The following FSD1L variants were observed in gnomAD, a reference collection of about 807,000 sequenced individuals.
FSD1L encodes fibronectin type III and SPRY domain containing 1 like, also known as FSD1-like protein.
Under a neutral mutation model 71.6 loss-of-function variants are expected in FSD1L, and 45 were observed. The ratio of observed to expected loss-of-function variants is 0.63; its 90% confidence interval spans 0.49 to 0.81. The LOEUF (loss-of-function observed/expected upper bound fraction) is 0.81. FSD1L is among the 30% of genes least tolerant of loss of function. FSD1L has a pLI of 0.00. For missense variants in FSD1L, 561 were observed against 618.1 expected (o/e 0.91, Z 0.98); for synonymous variants, 197 against 207.2 (o/e 0.95, Z 0.42).
Position 105,547,360 on chromosome 9 carries a change from T to C in FSD1L, c.*877T>C, listed in dbSNP as rs1031107752. ...TTATGCTGATTTTTAGCATCTCTTA[T>C]AGGAATCAAAGTTTATTAAAGTTAC... On this transcript the variant is annotated 3_prime_UTR_variant, in exon 14 of 14. Transcript: ENST00000481272. 1 of 152,518 alleles carries C rather than the reference T, an allele frequency of 6.6e-6. No individual in the cohort carries two copies. The highest frequency in any genetic ancestry group is 2.4e-5 in the African/African-American group (1 of 41,456). The allele number at this position is 152,518 out of a possible 1,614,324, so 9.4% of individuals were successfully genotyped here.
At chr9:105,468,409 A>G (rs1831214300) in intron 4 of FSD1L, 85 bp downstream of exon 4, 1 of 1,032,154 alleles carries the variant, frequency 9.7e-7, no homozygotes, top group Non-Finnish European at 1.4e-6. Flanking sequence ...ATGAATTTCT[A>G]AGTATAACTA....
chr9:105,475,261 T>C (rs140445118), intron 5 of FSD1L, among the ~76,000 whole-genome samples: 1 of 152,124 alleles, frequency 6.6e-6, no homozygotes, highest in East Asian at 1.9e-4. Context: ...AGGGAGAAAA[T>C]AGTTTCCTAT....
intron 7 of FSD1L, among the ~76,000 whole-genome samples, chr9:105,486,304 A>G (rs1248944158): frequency 6.6e-6 from 1 of 152,174 alleles, no homozygotes; most frequent in Non-Finnish European, 1.5e-5. Context: ...AATATTTTTA[A>G]AAGTTTTATT....
chr9:105,455,365 C>T (rs1472487285), intron 1 of FSD1L, among the ~76,000 whole-genome samples: 1 of 151,740 alleles, frequency 6.6e-6, no homozygotes, highest in East Asian at 1.9e-4. Flanking sequence ...CCTCTTGAAC[C>T]TGGTGCCATC....
intron 8 of FSD1L, among the ~76,000 whole-genome samples, chr9:105,507,421 G>A (rs182613434): frequency 3.9e-5 from 6 of 152,294 alleles, no homozygotes; most frequent in Admixed American, 3.3e-4. Flanking sequence ...CAGGAGATGG[G>A]CTCAAGTGTA....
intron 1 of FSD1L, 103 bp from the exon 2 acceptor site, chr9:105,461,417 A>AT (rs1278411260): frequency 7.9e-6 from 4 of 503,938 alleles, no homozygotes; most frequent in Non-Finnish European, 1.4e-5. Flanking sequence ...ATGATAATAT[A>AT]TTTTGAATCT....
chr9:105,464,583 T>C (rs1411767099), intron 3 of FSD1L, among the ~76,000 whole-genome samples: 3 of 152,242 alleles, frequency 2.0e-5, no homozygotes, highest in Admixed American at 1.3e-4. Context: ...TTAGTCCTTT[T>C]CCATTTGACA....
At position 105,529,010 on chromosome 9, in the gene FSD1L, T is replaced by TA. The variant is rs973866936; in HGVS notation, c.1026-5475dup. Among the ~76,000 whole-genome samples, 133 of 151,302 alleles carry TA rather than the reference T, an allele frequency of 8.8e-4. 1 individual carries two copies. The highest frequency in any genetic ancestry group is 2.1e-4 in the South Asian group (1 of 4,790). On this transcript the variant is annotated intron_variant, in intron 10 of 13. Transcript: ENST00000481272. ...ATCAAACATATGCTAACAAAGATAT[T>TA]AAAAAAAATGCTCATCATCACTGGT...
At position 105,549,906 on chromosome 9, in the gene FSD1L, G is replaced by T. The variant is rs903924090; in HGVS notation, c.*3423G>T. On this transcript the variant is annotated 3_prime_UTR_variant, in exon 14 of 14. Transcript: ENST00000481272. ...GTATATGGAAAATGATTATTTCAAA[G>T]AATATTTATTTAAAGAGGGAAGTGT... The T allele has an allele frequency of 6.6e-6, 1 of 151,804 alleles. No individual in the cohort carries two copies. The highest frequency in any genetic ancestry group is 2.1e-4 in the South Asian group (1 of 4,820). The allele number at this position is 151,804 out of a possible 1,614,324, so 9.4% of individuals were successfully genotyped here. A position where few individuals can be genotyped will look rare whatever the true frequency, so the allele number is the denominator to read the frequency against.
At chr9:105,523,024 T>C (rs1347576422) in intron 10 of FSD1L, 7 of 1,614,026 alleles carry the variant, frequency 4.3e-6, no homozygotes, top group Non-Finnish European at 5.9e-6. Context: ...GGCCAAAAAT[T>C]TGACAATTTT....
chr9:105,526,210 C>T, intron 10 of FSD1L: 1 of 1,597,036 alleles, frequency 6.3e-7, no homozygotes, highest in South Asian at 1.1e-5. Context: ...ATCTCTGATT[C>T]CATTGTATCA....
Position 105,479,367 on chromosome 9 carries a change from T to A in FSD1L, c.455T>A (p.Ile152Asn). 1 of 1,550,618 alleles carries A rather than the reference T, an allele frequency of 6.4e-7. No individual in the cohort carries two copies. Among genetic ancestry groups the A allele is most frequent in the Non-Finnish European group, 8.7e-7 (1 of 1,146,236 alleles). The change falls in exon 6 of 14, where the codon ATC (isoleucine) becomes AAC (asparagine). Residue 152 changes from isoleucine (I) to asparagine (N), a missense_variant. Transcript: ENST00000481272. ...PEEFSKAARQIKDRVTMASAF... is the reference protein window; with the variant it reads ...PEEFSKAARQNKDRVTMASAF... ...ATTGGCTCCAAGGCTGCCAGACAGA[T>A]CAAGGATAGGTATGGTATAAAACAC...
intron 10 of FSD1L, chr9:105,525,374 A>G: frequency 6.3e-7 from 1 of 1,598,404 alleles, no homozygotes; most frequent in Non-Finnish European, 8.5e-7. Context: ...CCTGCTCCAC[A>G]ACCTGTGTGC....
chr9:105,550,509 G>A lies in FSD1L; in HGVS notation c.*4026G>A, dbSNP rs927062552. The stretch of plus-strand genomic sequence containing the variant: ...AATTATCATGGCAAGATTACCTCAC[G>A]TTCAGTATAGTTTAGTTTTGTGTGT... On this transcript the variant is annotated 3_prime_UTR_variant, in exon 14 of 14. Transcript: ENST00000481272. The A allele has an allele frequency of 3.3e-5, 5 of 151,922 alleles. No individual in the cohort carries two copies. In the East Asian group the frequency reaches 7.7e-4, roughly 23 times the overall value. The allele number at this position is 151,922 out of a possible 1,614,324, so 9.4% of individuals were successfully genotyped here. A position where few individuals can be genotyped will look rare whatever the true frequency, so the allele number is the denominator to read the frequency against.
At chr9:105,524,072 A>C in intron 10 of FSD1L, 1 of 1,610,608 alleles carries the variant, frequency 6.2e-7, no homozygotes, top group Non-Finnish European at 8.5e-7. Flanking sequence ...AGGAACTTAT[A>C]ATCAAAACTG....
intron 7 of FSD1L, among the ~76,000 whole-genome samples, chr9:105,493,353 G>C (rs2131762657): frequency 6.6e-6 from 1 of 152,042 alleles, no homozygotes; most frequent in African/African-American, 2.4e-5. Flanking sequence ...CATTTGCTTG[G>C]TACATCTTCC....
At chr9:105,513,502 A>G (rs1310785838) in intron 10 of FSD1L, 2 of 978,518 alleles carry the variant, frequency 2.0e-6, no homozygotes, top group Non-Finnish European at 3.0e-6. Context: ...TGAATCCCCA[A>G]AAATTCCTCA....
At chr9:105,524,585 C>T (rs1300453834) in intron 10 of FSD1L, 65 of 1,613,748 alleles carry the variant, frequency 4.0e-5, no homozygotes, top group South Asian at 6.6e-5. Context: ...AGTGTTTTAG[C>T]AATCCAAGGT....
chr9:105,528,002 CAG>C (rs1789722728), intron 10 of FSD1L, among the ~76,000 whole-genome samples: 2 of 152,108 alleles, frequency 1.3e-5, no homozygotes, highest in African/African-American at 4.8e-5. Context: ...ACCCCAATGA[CAG>C]GCAAACAGAG....
Sources: gnomAD v4.1 joint callset for allele counts (sites outside exome capture counted in the v4.1 genomes callset) on GRCh38, gnomAD v4.1.1 for gene constraint, MANE v1.5 for transcripts, NCBI Gene and HGNC (gene_info 2026-07-23, HGNC 2026-07-21) for gene names.